SLC6A11: variants seen among roughly 807,000 people sequenced by gnomAD.
SLC6A11 encodes the protein solute carrier family 6 member 11.
A neutral mutation model predicts 74.8 loss-of-function variants in SLC6A11; 25 were observed. That is an observed-to-expected ratio of 0.33 (90% CI 0.24 to 0.47). The LOEUF (loss-of-function observed/expected upper bound fraction) is 0.47. Ranked by LOEUF, SLC6A11 falls within the 20% of genes least tolerant of loss-of-function variation. The probability of loss-of-function intolerance (pLI) is 1.00; values close to 1 mark genes in which losing one functional copy is unlikely to be tolerated. For missense variants in SLC6A11, 574 were observed against 837.0 expected, an observed-to-expected ratio of 0.69 and a Z score of 3.88; for synonymous variants, 330 against 330.2, an observed-to-expected ratio of 1.00 and a Z score of 0.01.
chr3:10,830,998 G>A (rs533154879), intron 4 of SLC6A11, among the ~76,000 whole-genome samples: 12 of 152,188 alleles, frequency 7.9e-5, no homozygotes, highest in Non-Finnish European at 1.6e-4. Context: ...GAAAGACAGG[G>A]TGGAAGCACT....
At chr3:10,829,002 A>G (rs1193450110) in intron 4 of SLC6A11, among the ~76,000 whole-genome samples, 1 of 152,066 alleles carries the variant, frequency 6.6e-6, no homozygotes, top group East Asian at 1.9e-4. Context: ...AATATTTCTT[A>G]CCCCCTTGGA....
At chr3:10,869,593 A>G (rs569645947) in intron 5 of SLC6A11, among the ~76,000 whole-genome samples, 37 of 152,366 alleles carry the variant, frequency 2.4e-4, no homozygotes, top group Non-Finnish European at 4.4e-4. Flanking sequence ...ACGTTCCCCA[A>G]TAGCAGGGAA....
At chr3:10,904,049 A>G (rs2106621792) in intron 6 of SLC6A11, among the ~76,000 whole-genome samples, 1 of 152,400 alleles carries the variant, frequency 6.6e-6, no homozygotes, top group South Asian at 2.1e-4. Flanking sequence ...TGCTCACCTC[A>G]GGGCAGTGTG....
Position 10,844,354 on chromosome 3 carries a change from G to T in SLC6A11, c.756+8G>T, listed in dbSNP as rs759176919. ...ACCAAGTCTACAGGAAAGGTAAGAG[G>T]TCGATCTTCAAGCAGCTAACCGTGG... is the stretch of plus-strand genomic sequence containing the variant. On this transcript the variant is annotated splice_region_variant and intron_variant, in intron 5 of 13. Transcript: ENST00000254488. 7 of 1,614,148 alleles carry T rather than the reference G, an allele frequency of 4.3e-6. No homozygotes were observed. In the South Asian group the frequency reaches 4.4e-5, roughly 10 times the overall value.
chr3:10,880,752 A>G (rs527848099), intron 6 of SLC6A11, among the ~76,000 whole-genome samples: 2 of 152,178 alleles, frequency 1.3e-5, no homozygotes, highest in South Asian at 4.1e-4. Flanking sequence ...TTCCTAGTCT[A>G]TGGACTCCAG....
intron 3 of SLC6A11, 25 bp from the exon 4 acceptor site, chr3:10,823,277 A>G (rs770991247): frequency 1.3e-6 from 2 of 1,543,680 alleles, no homozygotes. Context: ...ATTTTCTTCT[A>G]TTTCTTGTCT....
chr3:10,820,081 G>A (rs1694118501), intron 3 of SLC6A11, among the ~76,000 whole-genome samples: 1 of 152,240 alleles, frequency 6.6e-6, no homozygotes, highest in African/African-American at 2.4e-5. Context: ...ATGGTTAGGA[G>A]AATGGAGATG....
At position 10,929,198 on chromosome 3, in the gene SLC6A11, C is replaced by T; in HGVS notation, c.1234-4C>T. On this transcript the variant is annotated splice_polypyrimidine_tract_variant and splice_region_variant and intron_variant, in intron 9 of 13. Transcript: ENST00000254488. Reference sequence around the variant, plus strand: ...GTTTCACACCATCATATCTCCCCATCCAGTTTGTGTGTGTGGAAAGCCTGG... The same window carrying T: ...GTTTCACACCATCATATCTCCCCATTCAGTTTGTGTGTGTGGAAAGCCTGG... 6.2e-7 allele frequency: 1 copy of T among 1,613,796 alleles called. No homozygotes were observed. The highest frequency in any genetic ancestry group is 8.5e-7 in the Non-Finnish European group (1 of 1,179,868).
At chr3:10,868,477 TACC>T (rs1694791127) in intron 5 of SLC6A11, among the ~76,000 whole-genome samples, 2 of 152,238 alleles carry the variant, frequency 1.3e-5, no homozygotes, top group South Asian at 2.1e-4. Context: ...ACAGTATAAT[TACC>T]ACCAATTGTG....
intron 5 of SLC6A11, among the ~76,000 whole-genome samples, chr3:10,867,116 C>T (rs576982708): frequency 2.6e-5 from 4 of 152,324 alleles, no homozygotes; most frequent in Non-Finnish European, 5.9e-5. Context: ...AGAAGCGAGA[C>T]TGGCTGGAAG....
At chr3:10,838,825 A>G (rs1325938654) in intron 4 of SLC6A11, among the ~76,000 whole-genome samples, 1 of 152,124 alleles carries the variant, frequency 6.6e-6, no homozygotes, top group Non-Finnish European at 1.5e-5. Context: ...GGGTATAATC[A>G]TGCCCTGGCA....
intron 5 of SLC6A11, among the ~76,000 whole-genome samples, chr3:10,850,128 A>T (rs1159249371): frequency 1.3e-5 from 2 of 152,190 alleles, no homozygotes; most frequent in Non-Finnish European, 2.9e-5. Flanking sequence ...CTAATTTATT[A>T]AAATAATTTA....
At chr3:10,870,340 G>A (rs1202517352) in intron 5 of SLC6A11, among the ~76,000 whole-genome samples, 1 of 152,206 alleles carries the variant, frequency 6.6e-6, no homozygotes, top group African/African-American at 2.4e-5. Flanking sequence ...GTCTGAGAAA[G>A]CATAAATGAA....
chr3:10,843,464 C>A (rs530281117), intron 4 of SLC6A11, among the ~76,000 whole-genome samples: 1 of 152,286 alleles, frequency 6.6e-6, no homozygotes, highest in African/African-American at 2.4e-5. Context: ...GTCTCCACTT[C>A]CTTCTTCTTC....
chr3:10,925,774 A>T (rs564634236), intron 8 of SLC6A11, among the ~76,000 whole-genome samples: 2 of 152,138 alleles, frequency 1.3e-5, no homozygotes, highest in East Asian at 3.9e-4. Flanking sequence ...TTGAATCCTG[A>T]CCCTTCCAAG....
intron 4 of SLC6A11, among the ~76,000 whole-genome samples, chr3:10,829,253 T>G (rs2106575982): frequency 6.6e-6 from 1 of 152,326 alleles, no homozygotes; most frequent in South Asian, 2.1e-4. Context: ...TTAAATGAAA[T>G]AACACATTCT....
intron 8 of SLC6A11, among the ~76,000 whole-genome samples, chr3:10,924,389 G>A (rs980443090): frequency 1.2e-4 from 19 of 152,014 alleles, no homozygotes; most frequent in East Asian, 9.6e-4. Context: ...CATACTGACC[G>A]AGTCAAAAAT....
At chr3:10,901,057 G>A (rs2106620349) in intron 6 of SLC6A11, among the ~76,000 whole-genome samples, 1 of 152,292 alleles carries the variant, frequency 6.6e-6, no homozygotes, top group South Asian at 2.1e-4. Context: ...TATCCAAAAT[G>A]TCAAGAGCCT....
At chr3:10,823,867 G>A (rs563776175) in intron 4 of SLC6A11, 36 of 165,992 alleles carry the variant, frequency 2.2e-4, no homozygotes, top group Non-Finnish European at 3.6e-4. Flanking sequence ...TCAAATGTGC[G>A]TAGGGAAGAA....
Sources: gnomAD v4.1 joint callset for allele counts (sites outside exome capture counted in the v4.1 genomes callset) on GRCh38, gnomAD v4.1.1 for gene constraint, MANE v1.5 for transcripts, NCBI Gene and HGNC (gene_info 2026-07-23, HGNC 2026-07-21) for gene names.